The following SMYD3 variants were observed in gnomAD, a reference collection of about 807,000 sequenced individuals.
SMYD3 encodes SET and MYND domain containing 3.
Under a neutral mutation model 57.7 loss-of-function variants are expected in SMYD3, and 36 were observed. The observed-to-expected ratio is 0.62, with a 90% confidence interval of 0.48 to 0.82. The LOEUF is 0.82. Ranked by LOEUF, SMYD3 falls within the 40% of genes least tolerant of loss-of-function variation. The pLI is 0.00. For missense variants in SMYD3, 515 were observed against 538.8 expected, an observed-to-expected ratio of 0.96 and a Z score of 0.44; for synonymous variants, 211 against 195.0, an observed-to-expected ratio of 1.08 and a Z score of -0.68.
intron 10 of SMYD3, among the ~76,000 whole-genome samples, chr1:245,791,952 T>TTGTGTGTGTGTGTG (rs59018021): frequency 0.014 from 2,085 of 146,202 alleles, 24 homozygotes; most frequent in Non-Finnish European, 0.02. Context: ...AATTTTAAAC[T>TTGTGTGTGTGTGTG]TGTGTGTGTG....
chr1:246,454,903 A>G (rs1288851570), intron 1 of SMYD3, among the ~76,000 whole-genome samples: 1 of 152,190 alleles, frequency 6.6e-6, no homozygotes, highest in Non-Finnish European at 1.5e-5. Flanking sequence ...AGTCACCTCT[A>G]TTTATAGTAC....
chr1:245,926,065 G>T (rs899720209), intron 7 of SMYD3, among the ~76,000 whole-genome samples: 13 of 152,152 alleles, frequency 8.5e-5, no homozygotes, highest in Admixed American at 2.6e-4. Context: ...CTGATAACAT[G>T]GCAGAGGGCG....
At chr1:246,352,136 C>CAAAAAAAAAAA (rs10581690) in intron 2 of SMYD3, among the ~76,000 whole-genome samples, 10 of 60,478 alleles carry the variant, frequency 1.7e-4, no homozygotes, top group Non-Finnish European at 2.7e-4. Context: ...GACTCTGTCT[C>CAAAAAAAAAAA]AAAAAAAAAA....
intron 1 of SMYD3, among the ~76,000 whole-genome samples, chr1:246,453,963 C>T (rs896087385): frequency 6.6e-6 from 1 of 152,174 alleles, no homozygotes; most frequent in Non-Finnish European, 1.5e-5. Flanking sequence ...ATCTTCTAGT[C>T]GGCTCCTATT....
At chr1:246,004,008 G>T (rs2059127651) in intron 5 of SMYD3, among the ~76,000 whole-genome samples, 1 of 56,560 alleles carries the variant, frequency 1.8e-5, no homozygotes, top group African/African-American at 3.3e-5. Context: ...CACATGCTTT[G>T]GCTCAGACCT....
rs187646140 is a variant in SMYD3, at chr1:246,243,364, T to C, written c.531+83837A>G. ...AGTTCTAAAATTTTACTAGGAATAA[T>C]TGAGTTTTTGACTTTTTTAAATCAT... On this transcript the variant is annotated intron_variant, in intron 5 of 11. Transcript: ENST00000490107. Among the ~76,000 whole-genome samples the C allele has an allele frequency of 1.3e-3, 156 of 124,446 alleles. 4 individuals carry two copies. Among genetic ancestry groups the C allele is most frequent in the Non-Finnish European group, 2.3e-3 (134 of 58,428 alleles). The allele number at this position is 124,446 out of a possible 152,430, so 81.6% of individuals were successfully genotyped here. A position where few individuals can be genotyped will look rare whatever the true frequency, so the allele number is the denominator to read the frequency against.
rs542638511 is a variant in SMYD3, at chr1:246,023,190, A to AAAG, written c.532-93256_532-93254dup. ...CTAAGAGACACAAGTGCTGGGAATTAAAGAAGCATCTACTTAAAAACCAAG... is the reference window on the plus strand; with the variant it reads ...CTAAGAGACACAAGTGCTGGGAATTAAAGAAGAAGCATCTACTTAAAAACCAAG... On this transcript the variant is annotated intron_variant, in intron 5 of 11. Coordinates refer to ENST00000490107, the MANE Select transcript of SMYD3 (RefSeq NM_001167740.2). Among the ~76,000 whole-genome samples the AAAG allele has an allele frequency of 1.5e-4, 23 of 152,348 alleles. No individual in the cohort carries two copies. In the South Asian group the frequency reaches 4.8e-3, roughly 32 times the overall value.
At chr1:246,456,909 C>T (rs1020036374) in intron 1 of SMYD3, among the ~76,000 whole-genome samples, 1 of 152,162 alleles carries the variant, frequency 6.6e-6, no homozygotes, top group Non-Finnish European at 1.5e-5. Context: ...TATTAAATTC[C>T]ACCTAGTACA....
At chr1:246,149,240 G>C (rs1372844103) in intron 5 of SMYD3, among the ~76,000 whole-genome samples, 1 of 152,158 alleles carries the variant, frequency 6.6e-6, no homozygotes, top group Non-Finnish European at 1.5e-5. Flanking sequence ...TCTCTACGAA[G>C]AAACTGAGAT....
At chr1:246,164,129 C>T (rs1419393231) in intron 5 of SMYD3, among the ~76,000 whole-genome samples, 1 of 152,152 alleles carries the variant, frequency 6.6e-6, no homozygotes, top group African/African-American at 2.4e-5. Flanking sequence ...AAGGGGTTGA[C>T]CTGGGATCCC....
chr1:246,067,587 C>T (rs934294302), intron 5 of SMYD3, among the ~76,000 whole-genome samples: 12 of 152,052 alleles, frequency 7.9e-5, no homozygotes, highest in South Asian at 2.1e-4. Context: ...ATAATAGCTG[C>T]GCCCACACAC....
intron 5 of SMYD3, among the ~76,000 whole-genome samples, chr1:246,290,605 C>T (rs185786344): frequency 6.6e-6 from 1 of 152,262 alleles, no homozygotes; most frequent in Non-Finnish European, 1.5e-5. Flanking sequence ...TTTTCATGCT[C>T]AAGTGTCTGG....
At chr1:246,430,807 G>A (rs1475204927) in intron 1 of SMYD3, among the ~76,000 whole-genome samples, 1 of 152,164 alleles carries the variant, frequency 6.6e-6, no homozygotes, top group Non-Finnish European at 1.5e-5. Flanking sequence ...GGAGCCCAGA[G>A]AAATTACCTG....
chr1:246,029,828 A>G (rs2059639044), intron 5 of SMYD3, among the ~76,000 whole-genome samples: 1 of 152,064 alleles, frequency 6.6e-6, no homozygotes, highest in Admixed American at 6.5e-5. Context: ...GCTGTTATCA[A>G]AAAAAGAAAA....
chr1:246,443,020 AT>A (rs769347518), intron 1 of SMYD3, among the ~76,000 whole-genome samples: 3 of 152,168 alleles, frequency 2.0e-5, no homozygotes, highest in Non-Finnish European at 4.4e-5. Context: ...AATTCTTCTT[AT>A]TTAAATTTAA....
At chr1:245,861,345 G>A (rs1201299649) in intron 9 of SMYD3, among the ~76,000 whole-genome samples, 3 of 152,174 alleles carry the variant, frequency 2.0e-5, no homozygotes, top group Non-Finnish European at 2.9e-5. Flanking sequence ...TGGACAGAAC[G>A]GATATCTTTT....
At chr1:246,014,519 T>G (rs772553435) in intron 5 of SMYD3, among the ~76,000 whole-genome samples, 4 of 152,110 alleles carry the variant, frequency 2.6e-5, no homozygotes, top group Non-Finnish European at 5.9e-5. Flanking sequence ...GTAGCGTGGT[T>G]AATCACAGCC....
intron 5 of SMYD3, among the ~76,000 whole-genome samples, chr1:246,101,819 C>A (rs1022374598): frequency 6.6e-6 from 1 of 152,218 alleles, no homozygotes; most frequent in Non-Finnish European, 1.5e-5. Context: ...ACATAAATTG[C>A]CTCTTTCTGT....
At chr1:246,316,361 GT>G (rs746235263) in intron 5 of SMYD3, among the ~76,000 whole-genome samples, 4,979 of 133,368 alleles carry the variant, frequency 0.037, 112 homozygotes, top group South Asian at 0.061. Context: ...GTCTTCATGG[GT>G]TTTTTTTTTT....
Sources: allele counts gnomAD v4.1 joint callset (sites outside exome capture counted in the v4.1 genomes callset), GRCh38; gene constraint gnomAD v4.1.1; transcripts MANE v1.5; gene names NCBI Gene and HGNC (gene_info 2026-07-23, HGNC 2026-07-21).